Variants in SOBP observed in about 807,000 individuals in gnomAD.
SOBP encodes the protein sine oculis-binding protein homolog.
A neutral mutation model predicts 53.6 loss-of-function variants in SOBP; 4 were observed. The ratio of observed to expected loss-of-function variants is 0.07; its 90% CI spans 0.04 to 0.17. The LOEUF is 0.17. SOBP is among the 10% of genes least tolerant of loss of function. The pLI, the probability that SOBP is intolerant of heterozygous loss-of-function variation, is 1.00. For missense variants in SOBP, 1,088 were observed against 1,204.7 expected, an observed-to-expected ratio of 0.90 and a Z score of 1.43; for synonymous variants, 584 against 522.6, an observed-to-expected ratio of 1.12 and a Z score of -1.60.
chr6:107,547,541 C>T (rs957074995), intron 4 of SOBP, among the ~76,000 whole-genome samples: 12 of 152,276 alleles, frequency 7.9e-5, no homozygotes, highest in Admixed American at 7.2e-4. Context: ...TATTATACTG[C>T]AGGCTATACA....
In SOBP at chr6:107,641,292, A is replaced by G. The variant is rs1019217564; in HGVS notation, c.*3+5823A>G. ...TCAATAAGATTGCCTTAGTGACACA[A>G]TGCAAAAGGTTACAGACTTTTCTTC... On this transcript the variant is annotated intron_variant, in intron 6 of 6. Transcript: ENST00000317357. 1.2e-4 allele frequency among the ~76,000 whole-genome samples: 18 copies of G among 152,252 alleles called. No homozygotes were observed. The South Asian group carries it at 1.4e-3, about 12-fold the overall frequency.
rs1213776042 is a variant in SOBP, at chr6:107,634,084, G to C, written c.1240G>C (p.Gly414Arg). 2.5e-6 allele frequency: 4 copies of C among 1,599,484 alleles called. No homozygotes were observed. Among genetic ancestry groups the C allele is most frequent in the South Asian group, 2.3e-5 (2 of 88,372 alleles). ...GCAGATCCGCCCGCCCTTCATCCGC[G>C]GGCCTCCGCACCATGCCTCCAACCC... ...MQQIRPPFIR[G>R]PPHHASNPNS... The change falls in exon 6 of 7, where the codon GGG (glycine) becomes CGG (arginine). Residue 414 changes from glycine to arginine, a missense_variant. Gly to Arg is a moderately radical substitution (Grantham distance 125). Coordinates refer to ENST00000317357, the MANE Select transcript of SOBP (RefSeq NM_018013.4). This position sits in a 1 kb window ranked among gnomAD's most constrained non-coding sequence, Gnocchi z 4.5.
At chr6:107,507,169 C>T (rs1013550047) in intron 3 of SOBP, among the ~76,000 whole-genome samples, 2 of 152,088 alleles carry the variant, frequency 1.3e-5, no homozygotes, top group Non-Finnish European at 2.9e-5. Context: ...TGTAAAAGGA[C>T]ATGAGGCAGG....
chr6:107,638,903 ATTTT>A (rs1470762755), intron 6 of SOBP, among the ~76,000 whole-genome samples: 2 of 150,060 alleles, frequency 1.3e-5, no homozygotes, highest in Non-Finnish European at 3.0e-5. Context: ...TTTTTATTTT[ATTTT>A]ATTTATTATT....
At chr6:107,539,398 G>T (rs754216487) in intron 4 of SOBP, among the ~76,000 whole-genome samples, 1 of 152,120 alleles carries the variant, frequency 6.6e-6, no homozygotes, top group Non-Finnish European at 1.5e-5. Flanking sequence ...ATCAGAATCC[G>T]GTCACCTGGG....
intron 4 of SOBP, among the ~76,000 whole-genome samples, chr6:107,537,542 C>T (rs765945642): frequency 1.3e-5 from 2 of 152,210 alleles, no homozygotes. Flanking sequence ...TTTGAAAGGC[C>T]GGGCGCCATG....
chr6:107,524,611 G>A (rs1783608473), intron 3 of SOBP, among the ~76,000 whole-genome samples: 1 of 152,218 alleles, frequency 6.6e-6, no homozygotes, highest in African/African-American at 2.4e-5. Flanking sequence ...TGGACCATGG[G>A]TGTCTTTAGT....
At chr6:107,583,900 A>G (rs573305052) in intron 4 of SOBP, among the ~76,000 whole-genome samples, 1 of 152,332 alleles carries the variant, frequency 6.6e-6, no homozygotes, top group Admixed American at 6.5e-5. Flanking sequence ...TGAAAATTCA[A>G]AACATGAAAT....
At chr6:107,644,798 T>C (rs1771485775) in intron 6 of SOBP, among the ~76,000 whole-genome samples, 1 of 152,210 alleles carries the variant, frequency 6.6e-6, no homozygotes, top group South Asian at 2.1e-4. Flanking sequence ...GGTTTGAAAA[T>C]TAAGGCCAAA....
chr6:107,657,758 A>G (rs1261226729), intron 6 of SOBP, among the ~76,000 whole-genome samples: 1 of 151,524 alleles, frequency 6.6e-6, no homozygotes, highest in Non-Finnish European at 1.5e-5. Flanking sequence ...CAGGAGAATC[A>G]CTTGAAACTG....
chr6:107,604,848 G>A (rs988273387), intron 5 of SOBP, among the ~76,000 whole-genome samples: 39 of 152,198 alleles, frequency 2.6e-4, no homozygotes, highest in African/African-American at 8.9e-4. Context: ...TCATGGGTGC[G>A]TGCATGTACA....
chr6:107,517,936 C>T (rs900268694), intron 3 of SOBP, among the ~76,000 whole-genome samples: 1 of 151,954 alleles, frequency 6.6e-6, no homozygotes. Context: ...TGTGTTGTTC[C>T]AGTGATGGAT....
At chr6:107,535,659 G>A (rs1185589562) in intron 4 of SOBP, among the ~76,000 whole-genome samples, 9 of 149,308 alleles carry the variant, frequency 6.0e-5, no homozygotes, top group Non-Finnish European at 1.3e-4. Context: ...TCCAAATAGA[G>A]AAATAAACTA....
intron 5 of SOBP, among the ~76,000 whole-genome samples, chr6:107,610,671 A>T (rs185652122): frequency 8.1e-4 from 124 of 152,358 alleles, no homozygotes; most frequent in Non-Finnish European, 1.1e-3. Flanking sequence ...TGTTCCAAAC[A>T]TGATTGTTTG....
At chr6:107,565,300 C>A (rs1256720433) in intron 4 of SOBP, among the ~76,000 whole-genome samples, 1 of 152,154 alleles carries the variant, frequency 6.6e-6, no homozygotes, top group Non-Finnish European at 1.5e-5. Context: ...CCATTGAGTT[C>A]TTCTGTCTCC....
chr6:107,653,522 A>C (rs1254657947), intron 6 of SOBP, among the ~76,000 whole-genome samples: 3 of 152,248 alleles, frequency 2.0e-5, no homozygotes, highest in Admixed American at 2.0e-4. Context: ...GGCTGGCAGC[A>C]GGCATTTCTT....
chr6:107,515,141 C>T (rs911158312), intron 3 of SOBP: 26 of 152,298 alleles, frequency 1.7e-4, no homozygotes, highest in East Asian at 1.9e-4. Context: ...AGAGACGTCA[C>T]ATTAGTTTAA....
intron 6 of SOBP, among the ~76,000 whole-genome samples, chr6:107,657,095 G>A (rs111616068): frequency 1.3e-4 from 20 of 152,398 alleles, no homozygotes; most frequent in African/African-American, 4.6e-4. Context: ...CGAGTTGGGT[G>A]TAGAGACACG....
intron 4 of SOBP, among the ~76,000 whole-genome samples, chr6:107,581,862 T>C (rs1785412980): frequency 6.6e-6 from 1 of 152,174 alleles, no homozygotes; most frequent in Non-Finnish European, 1.5e-5. Context: ...CTCACAACTT[T>C]GAGTTGAGCT....
Sources: gnomAD v4.1 joint callset for allele counts (sites outside exome capture counted in the v4.1 genomes callset) on GRCh38, gnomAD v4.1.1 for gene constraint, Gnocchi (gnomAD v3.1) non-coding constraint, MANE v1.5 for transcripts, NCBI Gene and HGNC (gene_info 2026-07-23, HGNC 2026-07-21) for gene names.